The following ARHGAP6 variants were observed in gnomAD, a reference collection of about 807,000 sequenced individuals.
The protein encoded by ARHGAP6 is Rho GTPase activating protein 6, also known as rho GTPase-activating protein 6.
A neutral mutation model predicts 55.7 loss-of-function variants in ARHGAP6; 16 were observed. The observed-to-expected ratio is 0.29, with a 90% confidence interval of 0.19 to 0.44. The LOEUF (loss-of-function observed/expected upper bound fraction) is 0.44. Ranked by LOEUF, ARHGAP6 falls within the 20% of genes least tolerant of loss-of-function variation. The pLI is 1.00. For synonymous variants in ARHGAP6, 382 were observed against 360.9 expected (o/e 1.06, Z -0.66); for missense variants, 698 against 808.9 (o/e 0.86, Z 1.66).
At chrX:11,432,604 T>C (rs2049950921) in intron 1 of ARHGAP6, among the ~76,000 whole-genome samples, 3 of 112,652 alleles carry the variant, frequency 2.7e-5, no homozygotes, top group African/African-American at 9.7e-5. Context: ...ATATGAAGAC[T>C]GAACACAGTT....
intron 6 of ARHGAP6, among the ~76,000 whole-genome samples, chrX:11,181,353 G>A (rs748522504): frequency 2.0e-4 from 22 of 112,119 alleles, no homozygotes; most frequent in Non-Finnish European, 3.2e-4. Flanking sequence ...TCATTTTTGA[G>A]TTGCTGAGTT....
intron 1 of ARHGAP6, among the ~76,000 whole-genome samples, chrX:11,508,176 T>C (rs1391698476): frequency 9.0e-6 from 1 of 110,897 alleles, no homozygotes; most frequent in Non-Finnish European, 1.9e-5. Context: ...TGAGTATTTT[T>C]TTAAGAGTCG....
intron 1 of ARHGAP6, among the ~76,000 whole-genome samples, chrX:11,274,261 T>A (rs770874463): frequency 8.9e-5 from 10 of 112,074 alleles, no homozygotes; most frequent in East Asian, 5.6e-4. Flanking sequence ...GACTGAGGCA[T>A]GCCTTGACCT....
chrX:11,325,733 G>T (rs1471632274), intron 1 of ARHGAP6, among the ~76,000 whole-genome samples: 1 of 112,420 alleles, frequency 8.9e-6, no homozygotes, highest in Non-Finnish European at 1.9e-5. Flanking sequence ...TTTAAAAGTA[G>T]TTATGCTATT....
intron 1 of ARHGAP6, among the ~76,000 whole-genome samples, chrX:11,565,672 G>A (rs979693877): frequency 2.7e-5 from 3 of 112,526 alleles, no homozygotes; most frequent in African/African-American, 9.7e-5. Flanking sequence ...TTTCTTGAAT[G>A]CTAGTTGAAG....
At chrX:11,504,473 T>C (rs1978702022) in intron 1 of ARHGAP6, among the ~76,000 whole-genome samples, 1 of 111,888 alleles carries the variant, frequency 8.9e-6, no homozygotes, top group Non-Finnish European at 1.9e-5. Context: ...AAATGCCCTC[T>C]GGTGGATAAA....
At chrX:11,438,135 C>T (rs987517828) in intron 1 of ARHGAP6, among the ~76,000 whole-genome samples, 2 of 111,909 alleles carry the variant, frequency 1.8e-5, no homozygotes, top group African/African-American at 3.3e-5. Context: ...TTTCATACAC[C>T]GAAAATCTTC....
intron 2 of ARHGAP6, among the ~76,000 whole-genome samples, chrX:11,208,909 A>T (rs2046747574): frequency 8.9e-6 from 1 of 111,891 alleles, no homozygotes; most frequent in African/African-American, 3.3e-5. Context: ...AAAAACTGTA[A>T]TTCTTTTGGG....
intron 10 of ARHGAP6, among the ~76,000 whole-genome samples, chrX:11,155,968 A>C (rs906556089): frequency 8.9e-6 from 1 of 112,706 alleles, no homozygotes; most frequent in African/African-American, 3.2e-5. Context: ...GCATTTTACT[A>C]ATTGCAAACA....
chrX:11,277,265 T>C (rs1312178223), intron 1 of ARHGAP6, among the ~76,000 whole-genome samples: 1 of 111,782 alleles, frequency 8.9e-6, no homozygotes, highest in East Asian at 2.8e-4. Context: ...TAAATTTTGC[T>C]TGTCCATTCT....
chrX:11,274,068 G>A (rs1014186865), intron 1 of ARHGAP6, among the ~76,000 whole-genome samples: 3 of 111,060 alleles, frequency 2.7e-5, no homozygotes, highest in Admixed American at 9.5e-5. Context: ...CTGAGTTTGT[G>A]GTCTTAACCA....
intron 1 of ARHGAP6, among the ~76,000 whole-genome samples, chrX:11,574,290 A>G (rs1382787795): frequency 3.6e-4 from 40 of 111,249 alleles, no homozygotes; most frequent in Non-Finnish European, 6.4e-4. Flanking sequence ...AATTTTAGAC[A>G]AATATCCTTG....
chrX:11,656,801 A>T (rs1177137064), intron 1 of ARHGAP6, among the ~76,000 whole-genome samples: 2 of 112,041 alleles, frequency 1.8e-5, no homozygotes, highest in Non-Finnish European at 1.9e-5. Context: ...CTCTTTTGCC[A>T]TGTAAAGTGG....
chrX:11,367,911 T>A, intron 1 of ARHGAP6: 1 of 365,522 alleles, frequency 2.7e-6, no homozygotes. Context: ...CCTGGTTTCC[T>A]GCACTGACCT....
In ARHGAP6 at chrX:11,627,564, T is replaced by C. The variant is rs772001573; in HGVS notation, c.588+36677A>G. On this transcript the variant is annotated intron_variant, in intron 1 of 12. Transcript: ENST00000337414. Reference sequence around the variant, plus strand: ...ATGCTGTTTAGTCATTAATACATAATACACAGGTCACAATAAATTGTCTTT... The same window carrying C: ...ATGCTGTTTAGTCATTAATACATAACACACAGGTCACAATAAATTGTCTTT... Among the ~76,000 whole-genome samples, 5 of 111,548 alleles carry C rather than the reference T, an allele frequency of 4.5e-5. No individual in the cohort carries two copies. The Admixed American group carries it at 4.7e-4, about 11-fold the overall frequency.
intron 9 of ARHGAP6, among the ~76,000 whole-genome samples, chrX:11,162,290 C>CAGAG (rs1201435532): frequency 9.5e-6 from 1 of 105,140 alleles, no homozygotes; most frequent in African/African-American, 3.5e-5. Context: ...GATGGCAGAG[C>CAGAG]AGAGAGAGAG....
chrX:11,607,426 C>T (rs1423358808), intron 1 of ARHGAP6, among the ~76,000 whole-genome samples: 1 of 111,607 alleles, frequency 9.0e-6, no homozygotes, highest in Admixed American at 9.5e-5. Context: ...AGGACAGATC[C>T]CTGGTGGTGA....
intron 1 of ARHGAP6, among the ~76,000 whole-genome samples, chrX:11,599,498 C>T (rs893650770): frequency 8.1e-5 from 9 of 111,644 alleles, no homozygotes; most frequent in Non-Finnish European, 1.3e-4. Context: ...GAAGAATCTC[C>T]ATGTGTTTTT....
intron 1 of ARHGAP6, among the ~76,000 whole-genome samples, chrX:11,429,236 T>G (rs746473957): frequency 4.0e-4 from 45 of 112,931 alleles, no homozygotes; most frequent in Non-Finnish European, 8.2e-4. Context: ...AAGATTTCAC[T>G]TATTTATTCT....
Sources: allele counts gnomAD v4.1 joint callset (sites outside exome capture counted in the v4.1 genomes callset), GRCh38; gene constraint gnomAD v4.1.1; transcripts MANE v1.5; gene names NCBI Gene and HGNC (gene_info 2026-07-23, HGNC 2026-07-21).